The following KBTBD8 variants were observed in gnomAD, a reference collection of about 807,000 sequenced individuals.
KBTBD8 encodes kelch repeat and BTB domain-containing protein 8.
KBTBD8 carries 31 observed loss-of-function variants against 53.5 expected under a neutral mutation model. The ratio of observed to expected loss-of-function variants is 0.58; its 90% CI spans 0.44 to 0.78. The LOEUF is 0.78. Ranked by LOEUF, KBTBD8 falls within the 30% of genes least tolerant of loss-of-function variation. KBTBD8 has a pLI of 0.00. For synonymous variants in KBTBD8, 250 were observed against 247.3 expected, an observed-to-expected ratio of 1.01 and a Z score of -0.10; for missense variants, 642 against 735.8, an observed-to-expected ratio of 0.87 and a Z score of 1.48.
At chr3:66,999,321 G>C (rs1204144075) in intron 2 of KBTBD8, 130 bp downstream of exon 2, 4 of 769,048 alleles carry the variant, frequency 5.2e-6, no homozygotes, top group African/African-American at 5.2e-5. Context: ...CTTGAGACTA[G>C]AAAACAAGTC....
At chr3:67,004,866 A>T (rs1702050323) in intron 3 of KBTBD8, among the ~76,000 whole-genome samples, 1 of 152,242 alleles carries the variant, frequency 6.6e-6, no homozygotes, top group Admixed American at 6.5e-5. Flanking sequence ...ATGGTCTTCA[A>T]GTTTCACCTT....
intron 2 of KBTBD8, among the ~76,000 whole-genome samples, chr3:67,002,566 G>A (rs1334617161): frequency 2.2e-5 from 3 of 136,482 alleles, no homozygotes; most frequent in Non-Finnish European, 3.0e-5. Context: ...TTCCAGGCTG[G>A]CACTCAGCTC....
At chr3:67,001,534 G>T (rs1702018837) in intron 2 of KBTBD8, among the ~76,000 whole-genome samples, 1 of 152,202 alleles carries the variant, frequency 6.6e-6, no homozygotes, top group Non-Finnish European at 1.5e-5. Flanking sequence ...GTCAGCAGTA[G>T]TTCCCATGAT....
At chr3:67,006,866 C>T (rs1454399577) in intron 3 of KBTBD8, among the ~76,000 whole-genome samples, 1 of 152,172 alleles carries the variant, frequency 6.6e-6, no homozygotes, top group Non-Finnish European at 1.5e-5. Context: ...ATTTTTATTA[C>T]AAAGATTTTA....
At chr3:67,000,085 CTG>C (rs1702004219) in intron 2 of KBTBD8, among the ~76,000 whole-genome samples, 1 of 152,224 alleles carries the variant, frequency 6.6e-6, no homozygotes. Context: ...CAACCACACT[CTG>C]AATGTGATTT....
intron 3 of KBTBD8, among the ~76,000 whole-genome samples, chr3:67,004,516 A>G (rs1702047450): frequency 6.6e-6 from 1 of 152,252 alleles, no homozygotes; most frequent in Non-Finnish European, 1.5e-5. Context: ...AAATTACTAA[A>G]ATAATCCTAT....
At chr3:67,000,618 G>C (rs556901110) in intron 2 of KBTBD8, among the ~76,000 whole-genome samples, 10 of 152,092 alleles carry the variant, frequency 6.6e-5, no homozygotes, top group Admixed American at 2.0e-4. Flanking sequence ...TTTGATTACA[G>C]AGCCAGGCTT....
At position 66,999,179 on chromosome 3, in the gene KBTBD8, G is replaced by C; in HGVS notation, c.215G>C (p.Ser72Thr). 1 of 1,614,022 alleles carries C rather than the reference G, an allele frequency of 6.2e-7. No individual in the cohort carries two copies. The highest frequency in any genetic ancestry group is 8.5e-7 in the Non-Finnish European group (1 of 1,179,870). Residue 72 changes from serine (S) to threonine (T), a missense_variant, in exon 2 of 4, where the codon AGC becomes ACC. By Grantham distance (58) the Ser-to-Thr change is moderately conservative (BLOSUM62 1). Coordinates refer to ENST00000417314, the MANE Select transcript of KBTBD8 (RefSeq NM_032505.3). ...SCHRNVLAAISPYFRSMFTSG... is the reference protein window; with the variant it reads ...SCHRNVLAAITPYFRSMFTSG... ...CATAGAAACGTTCTTGCTGCAATCAGCCCTTACTTCAGGTATGATGATGGT... is the reference window on the plus strand; with the variant it reads ...CATAGAAACGTTCTTGCTGCAATCACCCCTTACTTCAGGTATGATGATGGT...
Position 67,003,937 on chromosome 3 carries a change from C to T in KBTBD8, c.970C>T (p.Leu324=). 6.2e-7 allele frequency: 1 copy of T among 1,614,064 alleles called. No individual in the cohort carries two copies. The highest frequency in any genetic ancestry group is 8.5e-7 in the Non-Finnish European group (1 of 1,180,016). The change falls in exon 3 of 4, where the codon CTG becomes TTG. Residue 324 remains leucine (L), a synonymous_variant. Coordinates refer to ENST00000417314, the MANE Select transcript of KBTBD8 (RefSeq NM_032505.3). ...TAAACTATGCAAACCACCAAATGAC[C>T]TGAGAGAAGTTGGGATTCTTGTATC... ...VFKLCKPPND[L]REVGILVSPD... is the part of the protein sequence containing the mutation.
At chr3:67,006,394 T>C (rs982327293) in intron 3 of KBTBD8, among the ~76,000 whole-genome samples, 2 of 152,182 alleles carry the variant, frequency 1.3e-5, no homozygotes, top group Admixed American at 6.5e-5. Flanking sequence ...GCCCTAAGGG[T>C]TTCTTAATTG....
Position 67,003,323 on chromosome 3 carries a change from A to G in KBTBD8, c.356A>G (p.Asn119Ser), listed in dbSNP as rs779596500. Residue 119 changes from asparagine (N) to serine (S), a missense_variant, in exon 3 of 4, where the codon AAT becomes AGT. Physicochemically the swap from Asn to Ser is conservative, Grantham distance 46. Transcript: ENST00000417314. Reference protein sequence around the residue: ...YTSRVILTEANVQALFTAASI... With the variant: ...YTSRVILTEASVQALFTAASI... ...TCCAGAGTTATTCTTACAGAGGCCA[A>G]TGTTCAAGCCTTGTTCACTGCAGCT... 1.6e-5 allele frequency: 26 copies of G among 1,614,082 alleles called. No individual in the cohort carries two copies. The East Asian group carries it at 1.8e-4, about 11-fold the overall frequency.
In KBTBD8 at chr3:67,003,475, C is replaced by T. The variant is rs772528470; in HGVS notation, c.508C>T (p.Arg170Ter). ...TTATGGTCATCAGGAACTCGGAGAT[C>T]GATCAAAAGAATACATTCGTAAAAA... The part of the protein sequence containing the change: ...DHYGHQELGD[R>*]SKEYIRKKFL... Residue 170 changes from arginine (R) to a stop codon, truncating the protein, a stop_gained, in exon 3 of 4, where the codon CGA becomes TGA. Transcript: ENST00000417314. LOFTEE classifies it high-confidence loss of function. The T allele has an allele frequency of 2.5e-6, 4 of 1,613,898 alleles. No homozygotes were observed. The highest frequency in any genetic ancestry group is 3.4e-6 in the Non-Finnish European group (4 of 1,179,992).
rs551365299 is a variant in KBTBD8 at position 67,008,057 on chromosome 3, A to G, written c.1478A>G (p.His493Arg). ...IYYIAGTCGN[H>R]QRMFTVEAYD... The stretch of plus-strand genomic sequence containing the variant: ...TACATAGCTGGAACCTGTGGAAATC[A>G]TCAACGTATGTTTACTGTAGAAGCC... The change falls in exon 4 of 4, where the codon CAT becomes CGT. Residue 493 changes from histidine to arginine, a missense_variant. Physicochemically the swap from His to Arg is conservative, Grantham distance 29. Coordinates refer to ENST00000417314, the MANE Select transcript of KBTBD8 (RefSeq NM_032505.3). The G allele has an allele frequency of 1.2e-6, 2 of 1,614,156 alleles. No homozygotes were observed. The highest frequency in any genetic ancestry group is 2.2e-5 in the East Asian group (1 of 44,886).
rs1483152707 is a variant in KBTBD8 at position 67,008,580 on chromosome 3, CAA to C, written c.*197_*198del. 2 of 511,812 alleles carry C rather than the reference CAA, an allele frequency of 3.9e-6. No individual in the cohort carries two copies. Among genetic ancestry groups the C allele is most frequent in the East Asian group, 3.0e-5 (1 of 33,862 alleles). The allele number at this position is 511,812 out of a possible 1,614,324, so 31.7% of individuals were successfully genotyped here. ...TTTCATTTCAGTAAGGAAAAGATAACAAAGTGCAATTATCAGCATTTTTTTTT... is the reference window on the plus strand; with the variant it reads ...TTTCATTTCAGTAAGGAAAAGATAACAGTGCAATTATCAGCATTTTTTTTT... On this transcript the variant is annotated 3_prime_UTR_variant, in exon 4 of 4. Coordinates refer to ENST00000417314, the MANE Select transcript of KBTBD8 (RefSeq NM_032505.3).
At chr3:67,006,017 C>G (rs1177061707) in intron 3 of KBTBD8, among the ~76,000 whole-genome samples, 1 of 152,158 alleles carries the variant, frequency 6.6e-6, no homozygotes, top group African/African-American at 2.4e-5. Flanking sequence ...AGTTCAGTGT[C>G]AAGTTAATTC....
At position 67,011,091 on chromosome 3, in the gene KBTBD8, C is replaced by G. The variant is rs546069875; in HGVS notation, c.*2706C>G. The G allele has an allele frequency of 5.2e-5, 8 of 152,704 alleles. No individual in the cohort carries two copies. Among genetic ancestry groups the G allele is most frequent in the African/African-American group, 1.7e-4 (7 of 41,564 alleles). 9.5% of individuals were successfully genotyped at this position (152,704 alleles called of 1,614,324 possible). ...TCAGTGCTCAGGTATGTAGTAAGTA[C>G]TGTAGTCCTGTGGGGGCAAATGTGT... On this transcript the variant is annotated 3_prime_UTR_variant, in exon 4 of 4. Transcript: ENST00000417314.
Position 67,003,457 on chromosome 3 carries a change from C to T in KBTBD8, c.490C>T (p.His164Tyr). 6.2e-7 allele frequency: 1 copy of T among 1,614,118 alleles called. No individual in the cohort carries two copies. Among genetic ancestry groups the T allele is most frequent in the Non-Finnish European group, 8.5e-7 (1 of 1,180,016 alleles). The change falls in exon 3 of 4, where the codon CAT becomes TAT. Residue 164 changes from histidine to tyrosine, a missense_variant. Transcript: ENST00000417314. ...GVFIFADHYGHQELGDRSKEY... is the reference protein window; with the variant it reads ...GVFIFADHYGYQELGDRSKEY... Reference sequence around the variant, plus strand: ...CTTTATCTTTGCTGATCATTATGGTCATCAGGAACTCGGAGATCGATCAAA... The same window carrying T: ...CTTTATCTTTGCTGATCATTATGGTTATCAGGAACTCGGAGATCGATCAAA...
At chr3:66,999,628 T>A in intron 2 of KBTBD8, among the ~76,000 whole-genome samples, 1 of 152,268 alleles carries the variant, frequency 6.6e-6, no homozygotes, top group Admixed American at 6.5e-5. Flanking sequence ...ATTTTCATCA[T>A]TGACAATTTT....
rs997432428 is a variant in KBTBD8 at position 66,998,440 on chromosome 3, G to C, written c.16+69G>C. ...GGAAGGTGGGCCGGGGCCGGCCACA[G>C]GCAGTGGGATGAGGACGTAGCGGTG... On this transcript the variant is annotated intron_variant, in intron 1 of 3. Coordinates refer to ENST00000417314, the MANE Select transcript of KBTBD8 (RefSeq NM_032505.3). 5.2e-5 allele frequency: 61 copies of C among 1,180,664 alleles called. No homozygotes were observed. The East Asian group carries it at 1.1e-3, about 22-fold the overall frequency. The allele number at this position is 1,180,664 out of a possible 1,614,324, so 73.1% of individuals were successfully genotyped here.
Sources: gnomAD v4.1 joint callset for allele counts (sites outside exome capture counted in the v4.1 genomes callset) on GRCh38, gnomAD v4.1.1 for gene constraint, MANE v1.5 for transcripts, NCBI Gene and HGNC (gene_info 2026-07-23, HGNC 2026-07-21) for gene names.